Variants in EHMT1 observed in about 807,000 individuals in gnomAD.
EHMT1 encodes euchromatic histone lysine methyltransferase 1.
In EHMT1, 15 loss-of-function variants were observed where a neutral mutation model predicts 147.2. The ratio of observed to expected loss-of-function variants is 0.10; its 90% CI spans 0.07 to 0.16. EHMT1 has a LOEUF of 0.16. Among genes scored for constraint, EHMT1 ranks in the 10% least tolerant of loss-of-function variants. EHMT1 has a pLI of 1.00. For synonymous variants in EHMT1, 795 were observed against 709.6 expected, an observed-to-expected ratio of 1.12 and a Z score of -1.91; for missense variants, 1,587 against 1,772.4, an observed-to-expected ratio of 0.90 and a Z score of 1.88.
At chr9:137,711,119 T>C (rs977727311) in intron 2 of EHMT1, 89 bp downstream of exon 2, 1 of 1,380,660 alleles carries the variant, frequency 7.2e-7, no homozygotes, top group Non-Finnish European at 9.9e-7. Context: ...AGTCCCCGTC[T>C]TCTGACTTTC....
At chr9:137,808,173 AG>A (rs1281264679) in intron 18 of EHMT1, among the ~76,000 whole-genome samples, 1 of 152,144 alleles carries the variant, frequency 6.6e-6, no homozygotes, top group African/African-American at 2.4e-5. Context: ...TTGTGGGGAA[AG>A]GCCCCGGCTT....
chr9:137,767,953 G>A (rs1950319108), intron 10 of EHMT1, among the ~76,000 whole-genome samples: 1 of 152,168 alleles, frequency 6.6e-6, no homozygotes, highest in Admixed American at 6.5e-5. Context: ...TATTTTTAGT[G>A]CAAATTTTTT....
chr9:137,754,329 C>T (rs1949214303), intron 8 of EHMT1, 38 bp downstream of exon 8: 1 of 1,611,414 alleles, frequency 6.2e-7, no homozygotes, highest in Non-Finnish European at 8.5e-7. Context: ...ACGGGGACTG[C>T]CTGGGAGGGG....
Position 137,737,787 on chromosome 9 carries a change from C to T in EHMT1, c.824-5584C>T, listed in dbSNP as rs201988862. Among the ~76,000 whole-genome samples the T allele has an allele frequency of 2.2e-4, 33 of 152,316 alleles. No individual in the cohort carries two copies. In the East Asian group the frequency reaches 6.4e-3, roughly 29 times the overall value. On this transcript the variant is annotated intron_variant, in intron 4 of 26. Coordinates refer to ENST00000460843, the MANE Select transcript of EHMT1 (RefSeq NM_024757.5). ...AGACACTGTTAACGGAATAAAAAGG[C>T]ACCTGTGGAGTAGGAGAAAATATCT... is the stretch of plus-strand genomic sequence containing the variant.
At chr9:137,633,147 A>G (rs1364183062) in intron 1 of EHMT1, among the ~76,000 whole-genome samples, 2 of 152,174 alleles carry the variant, frequency 1.3e-5, no homozygotes, top group East Asian at 3.9e-4. Context: ...TGGCCGTGCC[A>G]TTCACCCGGA....
chr9:137,701,910 G>A (rs1943870416), intron 1 of EHMT1, among the ~76,000 whole-genome samples: 1 of 151,308 alleles, frequency 6.6e-6, no homozygotes, highest in African/African-American at 2.4e-5. Flanking sequence ...TCTCCTGCCT[G>A]AGCCTCTCAA....
chr9:137,776,524 G>A lies in EHMT1; in HGVS notation c.1792-94G>A. ...CCATGGCTCACTCTGCAGACCGCCC[G>A]ATGTGGGATGCGGTGCCAGTTTAGT... On this transcript the variant is annotated intron_variant, in intron 11 of 26. Coordinates refer to ENST00000460843, the MANE Select transcript of EHMT1 (RefSeq NM_024757.5). The surrounding 1 kb of genome is among the most constrained non-coding windows in gnomAD (Gnocchi z 4.4). 5 of 1,298,904 alleles carry A rather than the reference G, an allele frequency of 3.8e-6. No homozygotes were observed. The highest frequency in any genetic ancestry group is 1.9e-5 in the Admixed American group (1 of 52,656). The allele number at this position is 1,298,904 out of a possible 1,614,324, so 80.5% of individuals were successfully genotyped here.
In EHMT1 at chr9:137,835,987, C is replaced by G. The variant is rs527741655; in HGVS notation, c.*1034C>G. On this transcript the variant is annotated 3_prime_UTR_variant, in exon 27 of 27. Coordinates refer to ENST00000460843, the MANE Select transcript of EHMT1 (RefSeq NM_024757.5). The stretch of plus-strand genomic sequence containing the variant: ...ACAGTGGGGTTTTTTTTGTGCAACT[C>G]TTCTAAAAACATTCATAATGCAGTC... 1.3e-5 allele frequency: 2 copies of G among 152,542 alleles called. No individual in the cohort carries two copies. Among genetic ancestry groups the G allele is most frequent in the South Asian group, 4.1e-4 (2 of 4,820 alleles). 9.4% of individuals were successfully genotyped at this position (152,542 alleles called of 1,614,324 possible).
At chr9:137,817,227 G>A in intron 23 of EHMT1, 1 of 634,104 alleles carries the variant, frequency 1.6e-6, no homozygotes, top group Non-Finnish European at 2.9e-6. Flanking sequence ...CCGAGGTTGT[G>A]GGCTGGGGTG....
Position 137,776,896 on chromosome 9 carries a change from T to G in EHMT1, c.2018+52T>G. On this transcript the variant is annotated intron_variant, in intron 12 of 26. Transcript: ENST00000460843. The surrounding 1 kb of genome is among the most constrained non-coding windows in gnomAD (Gnocchi z 4.4). Reference sequence around the variant, plus strand: ...TCTCCAGTCGTCCACCTGAAAAAGTTTCAGTTGTTAACTCAACGTTATTGC... The same window carrying G: ...TCTCCAGTCGTCCACCTGAAAAAGTGTCAGTTGTTAACTCAACGTTATTGC... 5.1e-6 allele frequency: 8 copies of G among 1,573,152 alleles called. No individual in the cohort carries two copies. Among genetic ancestry groups the G allele is most frequent in the Non-Finnish European group, 7.0e-6 (8 of 1,149,640 alleles).
intron 1 of EHMT1, among the ~76,000 whole-genome samples, chr9:137,636,866 TTTA>T (rs1564527283): frequency 2.0e-5 from 3 of 151,712 alleles, no homozygotes; most frequent in African/African-American, 7.2e-5. Flanking sequence ...TTAAAAAAAA[TTTA>T]TTATTTTTTT....
chr9:137,671,871 C>G (rs1940698657), intron 1 of EHMT1, among the ~76,000 whole-genome samples: 1 of 152,134 alleles, frequency 6.6e-6, no homozygotes, highest in South Asian at 2.1e-4. Flanking sequence ...GGACCCCAAC[C>G]CTGCAGTGCT....
At chr9:137,768,086 G>A (rs1313159857) in intron 10 of EHMT1, among the ~76,000 whole-genome samples, 1 of 152,136 alleles carries the variant, frequency 6.6e-6, no homozygotes, top group Non-Finnish European at 1.5e-5. Flanking sequence ...CATAACCTGA[G>A]TGTGGAGTGG....
intron 10 of EHMT1, among the ~76,000 whole-genome samples, chr9:137,772,072 G>A (rs771759439): frequency 2.0e-5 from 3 of 152,122 alleles, no homozygotes; most frequent in African/African-American, 7.2e-5. Context: ...ATTAAATTGC[G>A]CTGAGAAAGT....
intron 4 of EHMT1, among the ~76,000 whole-genome samples, chr9:137,738,100 AG>A (rs1947704898): frequency 6.6e-6 from 1 of 152,032 alleles, no homozygotes; most frequent in Admixed American, 6.5e-5. Flanking sequence ...AGGCTGAGGC[AG>A]GAGAATCACT....
At chr9:137,633,631 G>C (rs2133662349) in intron 1 of EHMT1, among the ~76,000 whole-genome samples, 1 of 152,050 alleles carries the variant, frequency 6.6e-6, no homozygotes, top group South Asian at 2.1e-4. Flanking sequence ...TATGTCTGGA[G>C]TGGTCCAACC....
intron 17 of EHMT1, among the ~76,000 whole-genome samples, chr9:137,800,025 T>C (rs891232339): frequency 6.6e-6 from 1 of 152,168 alleles, no homozygotes; most frequent in Non-Finnish European, 1.5e-5. Flanking sequence ...GCTTTAATCA[T>C]GAAGGCTGCT....
At chr9:137,809,620 A>G (rs1954250182) in intron 18 of EHMT1, among the ~76,000 whole-genome samples, 1 of 152,262 alleles carries the variant, frequency 6.6e-6, no homozygotes, top group Non-Finnish European at 1.5e-5. Context: ...CGGCGCTCCC[A>G]GACACCAGCA....
intron 1 of EHMT1, among the ~76,000 whole-genome samples, chr9:137,638,781 G>A (rs1349364731): frequency 2.0e-5 from 3 of 152,046 alleles, no homozygotes; most frequent in Non-Finnish European, 4.4e-5. Context: ...GACATGCACA[G>A]AAGGAAGACA....
Sources: allele counts gnomAD v4.1 joint callset (sites outside exome capture counted in the v4.1 genomes callset), GRCh38; gene constraint gnomAD v4.1.1; non-coding constraint Gnocchi (gnomAD v3.1); transcripts MANE v1.5; gene names NCBI Gene and HGNC (gene_info 2026-07-23, HGNC 2026-07-21).